The following RBFOX1 variants were observed in gnomAD, a reference collection of about 807,000 sequenced individuals.
RBFOX1 encodes the protein RNA binding protein fox-1 homolog 1.
Under a neutral mutation model 57.7 loss-of-function variants are expected in RBFOX1, and 8 were observed. The ratio of observed to expected loss-of-function variants is 0.14; its 90% CI spans 0.08 to 0.25. The LOEUF (loss-of-function observed/expected upper bound fraction) is 0.25. Among genes scored for constraint, RBFOX1 ranks in the 10% least tolerant of loss-of-function variants. RBFOX1 has a pLI of 1.00. For synonymous variants in RBFOX1, 326 were observed against 222.4 expected (o/e 1.47, Z -4.15); for missense variants, 611 against 548.5 (o/e 1.11, Z -1.14).
At chr16:5,435,053 GC>G (rs1416011655) in intron 1 of RBFOX1, among the ~76,000 whole-genome samples, 4 of 152,182 alleles carry the variant, frequency 2.6e-5, no homozygotes, top group Non-Finnish European at 5.9e-5. Flanking sequence ...TTTAAAAATT[GC>G]AAAAGCAGTA....
At chr16:5,795,343 A>T (rs961662691) in intron 3 of RBFOX1, among the ~76,000 whole-genome samples, 7 of 150,504 alleles carry the variant, frequency 4.7e-5, no homozygotes, top group African/African-American at 1.5e-4. Flanking sequence ...TTACTCTGTT[A>T]CCCTGGCTGG....
At chr16:6,962,506 C>G (rs1049901125) in intron 3 of RBFOX1, among the ~76,000 whole-genome samples, 2 of 152,150 alleles carry the variant, frequency 1.3e-5, no homozygotes, top group African/African-American at 4.8e-5. Flanking sequence ...CCCTGGCATC[C>G]TTTCTTCTTA....
chr16:7,021,384 AT>A (rs1210556197), intron 3 of RBFOX1, among the ~76,000 whole-genome samples: 1 of 145,930 alleles, frequency 6.9e-6, no homozygotes, highest in Non-Finnish European at 1.5e-5. Flanking sequence ...ATTTTAAAAT[AT>A]TTTTATTTTT....
chr16:6,673,754 A>C (rs892447047), intron 3 of RBFOX1, among the ~76,000 whole-genome samples: 1 of 152,234 alleles, frequency 6.6e-6, no homozygotes, highest in Non-Finnish European at 1.5e-5. Context: ...GAAATGTATC[A>C]TCTGTCATGG....
At chr16:6,253,472 A>G (rs1394809907) in intron 1 of RBFOX1, among the ~76,000 whole-genome samples, 1 of 152,146 alleles carries the variant, frequency 6.6e-6, no homozygotes, top group African/African-American at 2.4e-5. Context: ...CGTTTTCCAA[A>G]GTCACATACG....
intron 3 of RBFOX1, among the ~76,000 whole-genome samples, chr16:6,765,945 A>G (rs894806482): frequency 7.9e-5 from 12 of 152,152 alleles, no homozygotes; most frequent in African/African-American, 2.7e-4. Context: ...ATGCAAAGGT[A>G]TACAGTATGA....
At chr16:7,503,810 C>CATACAAGT (rs1446154620) in intron 4 of RBFOX1, among the ~76,000 whole-genome samples, 1 of 152,102 alleles carries the variant, frequency 6.6e-6, no homozygotes, top group Admixed American at 6.5e-5. Flanking sequence ...TCTGCTTGTC[C>CATACAAGT]ATATGCCCTT....
At chr16:6,578,212 G>A (rs1019384750) in intron 2 of RBFOX1, among the ~76,000 whole-genome samples, 2 of 152,182 alleles carry the variant, frequency 1.3e-5, no homozygotes, top group Non-Finnish European at 2.9e-5. Context: ...CTTACGTAGT[G>A]ATAAGGGAAT....
At chr16:5,414,398 A>T (rs1487221341) in intron 1 of RBFOX1, among the ~76,000 whole-genome samples, 2 of 152,192 alleles carry the variant, frequency 1.3e-5, no homozygotes, top group African/African-American at 4.8e-5. Context: ...TTAAAGCAGA[A>T]ATGGCCATGC....
intron 4 of RBFOX1, among the ~76,000 whole-genome samples, chr16:7,188,115 C>G (rs2084381317): frequency 6.6e-6 from 1 of 152,096 alleles, no homozygotes; most frequent in African/African-American, 2.4e-5. Flanking sequence ...TTGTGTTTAA[C>G]AATTTTGGAA....
chr16:5,590,123 ATTTC>A (rs991131462), intron 2 of RBFOX1, among the ~76,000 whole-genome samples: 1 of 152,076 alleles, frequency 6.6e-6, no homozygotes, highest in Non-Finnish European at 1.5e-5. Context: ...CTTGAAATTG[ATTTC>A]TTTATTTTAT....
intron 2 of RBFOX1, among the ~76,000 whole-genome samples, chr16:6,499,133 C>A (rs929347242): frequency 3.3e-5 from 5 of 152,158 alleles, no homozygotes; most frequent in Admixed American, 2.6e-4. Flanking sequence ...AGCCAGGCAG[C>A]CTTTGTTTAC....
At chr16:5,710,359 C>G (rs561197677) in intron 3 of RBFOX1, among the ~76,000 whole-genome samples, 1 of 152,260 alleles carries the variant, frequency 6.6e-6, no homozygotes, top group East Asian at 1.9e-4. Flanking sequence ...GGATGGCTGC[C>G]TTCTCCTGCT....
chr16:5,662,729 G>C lies in RBFOX1; in HGVS notation c.318+63768G>C, dbSNP rs147603868. ...TAAGTCACTGATAACACAGCAGTAG[G>C]GGGTGGAGGTTTGAAGTTCCAGTGC... is the stretch of plus-strand genomic sequence containing the variant. On this transcript the variant is annotated intron_variant, in intron 3 of 19. Transcript: ENST00000641259. Among the ~76,000 whole-genome samples, 9 of 152,326 alleles carry C rather than the reference G, an allele frequency of 5.9e-5. No individual in the cohort carries two copies. In the East Asian group the frequency reaches 1.5e-3, roughly 26 times the overall value.
At chr16:7,006,448 C>G (rs557049774) in intron 3 of RBFOX1, among the ~76,000 whole-genome samples, 10 of 152,006 alleles carry the variant, frequency 6.6e-5, no homozygotes, top group African/African-American at 2.2e-4. Context: ...CCACTGCGCC[C>G]GGCCAAACAA....
intron 3 of RBFOX1, among the ~76,000 whole-genome samples, chr16:6,663,974 C>G (rs1415046481): frequency 3.3e-5 from 5 of 152,286 alleles, no homozygotes; most frequent in Admixed American, 2.6e-4. Context: ...CACCTGAAAC[C>G]TTTTGACCAG....
chr16:7,568,978 ATGGAG>A (rs1374989310), intron 5 of RBFOX1, among the ~76,000 whole-genome samples: 1 of 151,430 alleles, frequency 6.6e-6, no homozygotes, highest in Non-Finnish European at 1.5e-5. Context: ...CCTATTCAAG[ATGGAG>A]TTGCTTTCAT....
At chr16:6,727,386 C>G (rs539950972) in intron 3 of RBFOX1, among the ~76,000 whole-genome samples, 1 of 151,872 alleles carries the variant, frequency 6.6e-6, no homozygotes, top group Non-Finnish European at 1.5e-5. Context: ...TCCAGGTTCT[C>G]ATTAGTCTTC....
At chr16:7,697,893 C>T (rs2079294822) in intron 14 of RBFOX1, among the ~76,000 whole-genome samples, 1 of 152,128 alleles carries the variant, frequency 6.6e-6, no homozygotes, top group South Asian at 2.1e-4. Context: ...AGCAGTTGTT[C>T]CACTGGAATT....
Sources: gnomAD v4.1 joint callset for allele counts (sites outside exome capture counted in the v4.1 genomes callset) on GRCh38, gnomAD v4.1.1 for gene constraint, MANE v1.5 for transcripts, NCBI Gene and HGNC (gene_info 2026-07-23, HGNC 2026-07-21) for gene names.